The following CNOT6L variants were observed in gnomAD, a reference collection of about 807,000 sequenced individuals.
CNOT6L encodes CCR4-NOT transcription complex subunit 6-like.
In CNOT6L, 7 loss-of-function variants were observed where a neutral mutation model predicts 64.0. The observed-to-expected ratio is 0.11, with a 90% CI of 0.06 to 0.21. CNOT6L has a LOEUF of 0.21. Ranked by LOEUF, CNOT6L falls within the 10% of genes least tolerant of loss-of-function variation. CNOT6L has a pLI of 1.00. For missense variants in CNOT6L, 245 were observed against 669.0 expected, an observed-to-expected ratio of 0.37 and a Z score of 6.99; for synonymous variants, 193 against 243.4, an observed-to-expected ratio of 0.79 and a Z score of 1.93.
rs1225500511 is a variant in CNOT6L, at chr4:77,730,880, TTC to T, written c.1024+505_1024+506del. On this transcript the variant is annotated intron_variant, in intron 9 of 11. Transcript: ENST00000504123. ...TCTGTGTATGAAGTACATAATGAGT[TTC>T]TGACTCTGAAGGAAGCTATAAATAA... 1.3e-4 allele frequency among the ~76,000 whole-genome samples: 20 copies of T among 152,148 alleles called. No individual in the cohort carries two copies. In the East Asian group the frequency reaches 3.1e-3, roughly 23 times the overall value.
Position 77,730,857 on chromosome 4 carries a change from T to G in CNOT6L, c.1024+530A>C, listed in dbSNP as rs17002798. On this transcript the variant is annotated intron_variant, in intron 9 of 11. Coordinates refer to ENST00000504123, the MANE Select transcript of CNOT6L (RefSeq NM_144571.3). Reference sequence around the variant, plus strand: ...GGCAGTAAGAAGGATAAAAAAGGTCTGTGTATGAAGTACATAATGAGTTTC... The same window carrying G: ...GGCAGTAAGAAGGATAAAAAAGGTCGGTGTATGAAGTACATAATGAGTTTC... Among the ~76,000 whole-genome samples, 440 of 152,212 alleles carry G rather than the reference T, an allele frequency of 2.9e-3. 6 individuals carry two copies. The highest frequency in any genetic ancestry group is 0.02 in the Admixed American group (299 of 15,270).
chr4:77,718,881 T>G lies in CNOT6L; in HGVS notation c.*1550A>C, dbSNP rs1002616173. On this transcript the variant is annotated 3_prime_UTR_variant, in exon 12 of 12. Coordinates refer to ENST00000504123, the MANE Select transcript of CNOT6L (RefSeq NM_144571.3). ...TAAATAATTTAAATTTGACCTATACTTTATATATTAGTGAGACACAAATAT... is the reference window on the plus strand; with the variant it reads ...TAAATAATTTAAATTTGACCTATACGTTATATATTAGTGAGACACAAATAT... The G allele has an allele frequency of 2.6e-5, 4 of 152,628 alleles. No individual in the cohort carries two copies. The highest frequency in any genetic ancestry group is 4.4e-5 in the Non-Finnish European group (3 of 68,046). 9.5% of individuals were successfully genotyped at this position (152,628 alleles called of 1,614,324 possible). A position where few individuals can be genotyped will look rare whatever the true frequency, so the allele number is the denominator to read the frequency against.
At chr4:77,767,142 G>T (rs1198623376) in intron 4 of CNOT6L, among the ~76,000 whole-genome samples, 1 of 122,540 alleles carries the variant, frequency 8.2e-6, no homozygotes, top group East Asian at 2.7e-4. Context: ...AAAGTACCTA[G>T]AAATAAGTCT....
chr4:77,789,625 A>C lies in CNOT6L; in HGVS notation c.6-13233T>G, dbSNP rs1290847073. On this transcript the variant is annotated intron_variant, in intron 1 of 11. Transcript: ENST00000504123. Reference sequence around the variant, plus strand: ...CAGTGAGCCATGATCATGCCACTGCACTCCAGCCTGGGCGACAGAGGGAAA... The same window carrying C: ...CAGTGAGCCATGATCATGCCACTGCCCTCCAGCCTGGGCGACAGAGGGAAA... 2.0e-5 allele frequency among the ~76,000 whole-genome samples: 3 copies of C among 151,100 alleles called. No individual in the cohort carries two copies. In the East Asian group the frequency reaches 5.9e-4, roughly 30 times the overall value.
chr4:77,796,077 G>T (rs1025082636), intron 1 of CNOT6L, among the ~76,000 whole-genome samples: 4 of 152,044 alleles, frequency 2.6e-5, no homozygotes, highest in Admixed American at 2.6e-4. Flanking sequence ...TGATGCTGGG[G>T]TTTAGGGTAT....
chr4:77,760,714 A>T (rs1726106004), intron 4 of CNOT6L, among the ~76,000 whole-genome samples: 1 of 151,698 alleles, frequency 6.6e-6, no homozygotes. Context: ...AAGACAGTAA[A>T]AGGAAAGGAA....
chr4:77,793,876 C>T (rs1038243443), intron 1 of CNOT6L, among the ~76,000 whole-genome samples: 1 of 151,812 alleles, frequency 6.6e-6, no homozygotes, highest in Non-Finnish European at 1.5e-5. Flanking sequence ...GCCAGCTGGG[C>T]GCAGTGGCTA....
rs746956123 is a variant in CNOT6L, at chr4:77,731,526, C to A, written c.885G>T (p.Val295=). The change falls in exon 9 of 12, where the codon GTG becomes GTT. Residue 295 remains valine, a synonymous_variant. Transcript: ENST00000504123. Reference sequence around the variant, plus strand: ...GGTTAAATTCCACTGTATGCTTCTGCACCAATGTAAATCTAAAAGGTACAT... The same window carrying A: ...GGTTAAATTCCACTGTATGCTTCTGAACCAATGTAAATCTAAAAGGTACAT... ...IFFKTEKFTL[V]QKHTVEFNQV... is the part of the protein sequence containing the mutation. 32 of 1,574,198 alleles carry A rather than the reference C, an allele frequency of 2.0e-5. No individual in the cohort carries two copies. The highest frequency in any genetic ancestry group is 2.6e-5 in the Non-Finnish European group (30 of 1,165,062).
intron 1 of CNOT6L, among the ~76,000 whole-genome samples, chr4:77,794,291 T>C (rs1730537083): frequency 1.3e-5 from 2 of 151,882 alleles, no homozygotes; most frequent in East Asian, 3.9e-4. Flanking sequence ...TTCCATAAAG[T>C]TGAGGCAAAC....
At chr4:77,803,817 C>A (rs943064064) in intron 1 of CNOT6L, among the ~76,000 whole-genome samples, 4 of 151,634 alleles carry the variant, frequency 2.6e-5, no homozygotes, top group African/African-American at 9.7e-5. Context: ...GCAGGAGAAT[C>A]GCTTGAACCC....
intron 1 of CNOT6L, among the ~76,000 whole-genome samples, chr4:77,778,496 C>T (rs534498266): frequency 2.6e-5 from 4 of 151,906 alleles, no homozygotes; most frequent in African/African-American, 4.8e-5. Flanking sequence ...ACCTCTGCCT[C>T]CCAGGTTCAA....
At chr4:77,726,983 A>T (rs568540762) in intron 10 of CNOT6L, among the ~76,000 whole-genome samples, 57 of 152,332 alleles carry the variant, frequency 3.7e-4, no homozygotes, top group Admixed American at 2.2e-3. Flanking sequence ...GAAGAATAGC[A>T]TTCAGAAAAG....
intron 1 of CNOT6L, among the ~76,000 whole-genome samples, chr4:77,782,560 T>G (rs1728981120): frequency 6.6e-6 from 1 of 151,804 alleles, no homozygotes; most frequent in Admixed American, 6.6e-5. Context: ...AAGCTGGTCT[T>G]GAACTCCTGC....
rs1364819050 is a variant in CNOT6L at position 77,802,733 on chromosome 4, T to G, written c.5+16571A>C. ...AAAAGCATAGACCCTAATTATCAAC[T>G]ATCATTTTACAGATGAGGAAGGTGA... On this transcript the variant is annotated intron_variant, in intron 1 of 11. Transcript: ENST00000504123. Among the ~76,000 whole-genome samples the G allele has an allele frequency of 2.0e-5, 3 of 152,212 alleles. No individual in the cohort carries two copies. In the East Asian group the frequency reaches 5.8e-4, roughly 29 times the overall value.
In CNOT6L at chr4:77,718,559, A is replaced by G. The variant is rs1308256434; in HGVS notation, c.*1872T>C. On this transcript the variant is annotated 3_prime_UTR_variant, in exon 12 of 12. Coordinates refer to ENST00000504123, the MANE Select transcript of CNOT6L (RefSeq NM_144571.3). ...CATCAAAATTCACTGAACTACAATG[A>G]CATTCCAATTATAATAGATGACAAA... The G allele has an allele frequency of 6.6e-6, 1 of 152,546 alleles. No individual in the cohort carries two copies. Among genetic ancestry groups the G allele is most frequent in the Non-Finnish European group, 1.5e-5 (1 of 68,006 alleles). The allele number at this position is 152,546 out of a possible 1,614,324, so 9.4% of individuals were successfully genotyped here.
intron 8 of CNOT6L, among the ~76,000 whole-genome samples, chr4:77,739,592 G>C (rs1723353928): frequency 6.6e-6 from 1 of 152,164 alleles, no homozygotes; most frequent in African/African-American, 2.4e-5. Flanking sequence ...TAAATATCTG[G>C]TACTGGGACA....
chr4:77,745,870 T>C (rs913712331), intron 6 of CNOT6L, among the ~76,000 whole-genome samples: 5 of 152,222 alleles, frequency 3.3e-5, no homozygotes, highest in South Asian at 2.1e-4. Context: ...TGACACTTGA[T>C]TGAAGTTGGT....
chr4:77,717,567 G>A lies in CNOT6L; in HGVS notation c.*2864C>T, dbSNP rs1176881926. The A allele has an allele frequency of 1.3e-5, 2 of 152,254 alleles. No homozygotes were observed. Among genetic ancestry groups the A allele is most frequent in the African/African-American group, 4.8e-5 (2 of 41,360 alleles). The allele number at this position is 152,254 out of a possible 1,614,324, so 9.4% of individuals were successfully genotyped here. ...TCATTCTGATAACTAGAAAGTATAT[G>A]AGCATATATATTTTACTTTCATTGA... On this transcript the variant is annotated 3_prime_UTR_variant, in exon 12 of 12. Transcript: ENST00000504123.
chr4:77,768,440 G>A (rs1727108168), intron 4 of CNOT6L, among the ~76,000 whole-genome samples: 1 of 148,324 alleles, frequency 6.7e-6, no homozygotes, highest in Non-Finnish European at 1.5e-5. Flanking sequence ...ACTCCAGCCT[G>A]GGTAACAGAG....
Sources: allele counts gnomAD v4.1 joint callset (sites outside exome capture counted in the v4.1 genomes callset), GRCh38; gene constraint gnomAD v4.1.1; transcripts MANE v1.5; gene names NCBI Gene and HGNC (gene_info 2026-07-23, HGNC 2026-07-21).